The following ABHD2 variants were observed in gnomAD, a reference collection of about 807,000 sequenced individuals.
ABHD2 encodes monoacylglycerol lipase ABHD2.
In ABHD2, 20 loss-of-function variants were observed where a neutral mutation model predicts 48.1. That is an observed-to-expected ratio of 0.42 (90% CI 0.29 to 0.60). ABHD2 has a LOEUF of 0.60. Ranked by LOEUF, ABHD2 falls within the 20% of genes least tolerant of loss-of-function variation. ABHD2 has a pLI of 0.24. For synonymous variants in ABHD2, 209 were observed against 214.2 expected (o/e 0.98, Z 0.21); for missense variants, 405 against 550.9 (o/e 0.74, Z 2.65).
chr15:89,059,552 G>A, the ABHD2 span, among the ~76,000 whole-genome samples: 1 of 151,960 alleles, frequency 6.6e-6, no homozygotes, highest in South Asian at 2.1e-4. Flanking sequence ...AAATGAAAGG[G>A]GAAAAAAACC....
At position 89,195,205 on chromosome 15, in the gene ABHD2, C is replaced by T. The variant is rs202037719; in HGVS notation, c.1082-22C>T. On this transcript the variant is annotated intron_variant, in intron 10 of 10. Transcript: ENST00000352732. This position sits in a 1 kb window ranked among gnomAD's most constrained non-coding sequence, Gnocchi z 5.1. The stretch of plus-strand genomic sequence containing the variant: ...GAGCAAACTAGAGAACAGTAACTCA[C>T]TCAGCTGCGTTTCCCCTGCAGAGAA... 1.2e-6 allele frequency: 2 copies of T among 1,606,504 alleles called. No individual in the cohort carries two copies. Among genetic ancestry groups the T allele is most frequent in the African/African-American group, 1.3e-5 (1 of 74,956 alleles).
chr15:89,191,322 A>G (rs546414490), intron 9 of ABHD2, among the ~76,000 whole-genome samples, 173 bp downstream of exon 9: 2 of 152,266 alleles, frequency 1.3e-5, no homozygotes, highest in African/African-American at 4.8e-5. Flanking sequence ...TGTAACTGCC[A>G]TACATTAATC....
intron 1 of ABHD2, among the ~76,000 whole-genome samples, 171 bp from the exon 2 acceptor site, chr15:89,113,554 C>T (rs978913176): frequency 2.6e-5 from 4 of 152,282 alleles, no homozygotes; most frequent in South Asian, 2.1e-4. Context: ...AAAGCCTTCC[C>T]GCAGCAGGCT....
In ABHD2 at chr15:89,176,520, T is replaced by C. The variant is rs933142853; in HGVS notation, c.722+525T>C. 3.3e-5 allele frequency among the ~76,000 whole-genome samples: 5 copies of C among 152,172 alleles called. No individual in the cohort carries two copies. The highest frequency in any genetic ancestry group is 1.2e-4 in the African/African-American group (5 of 41,442). ...CCAGGCATCATCACAAAGGAGCTGA[T>C]CTACTGGGTCAAGCTTTCTCCCACC... On this transcript the variant is annotated intron_variant, in intron 6 of 10. Coordinates refer to ENST00000352732, the MANE Select transcript of ABHD2 (RefSeq NM_152924.5). This position sits in a 1 kb window ranked among gnomAD's most constrained non-coding sequence, Gnocchi z 4.5.
At chr15:89,123,593 C>CTTTTTTTTTTTTTTTTTTTTTTTTTTTTT (rs138910210) in intron 3 of ABHD2, among the ~76,000 whole-genome samples, 1 of 96,678 alleles carries the variant, frequency 1.0e-5, no homozygotes, top group South Asian at 3.7e-4. Flanking sequence ...TTCTTTCTTT[C>CTTTTTTTTTTTTTTTTTTTTTTTTTTTTT]TTTTTTTTTT....
At chr15:89,125,557 G>C (rs1216076587) in intron 3 of ABHD2, among the ~76,000 whole-genome samples, 1 of 152,202 alleles carries the variant, frequency 6.6e-6, no homozygotes, top group African/African-American at 2.4e-5. Flanking sequence ...AAGTAAGAAA[G>C]TTAAACTGCT....
intron 1 of ABHD2, among the ~76,000 whole-genome samples, chr15:89,109,640 G>C (rs920544461): frequency 6.6e-6 from 1 of 152,210 alleles, no homozygotes; most frequent in Admixed American, 6.5e-5. Context: ...AGAGTTTGCT[G>C]TATCTAGAAC....
intron 7 of ABHD2, among the ~76,000 whole-genome samples, chr15:89,187,048 G>T (rs555918613): frequency 6.6e-6 from 1 of 152,254 alleles, no homozygotes; most frequent in African/African-American, 2.4e-5. Context: ...ACTGAGGTGC[G>T]TGTAGCTCAG....
At chr15:89,055,179 T>C in the ABHD2 span, among the ~76,000 whole-genome samples, 1 of 152,200 alleles carries the variant, frequency 6.6e-6, no homozygotes, top group Non-Finnish European at 1.5e-5. Context: ...ACCTGAGTGA[T>C]GAATTGAAAC....
At chr15:89,149,481 G>A (rs1298387018) in intron 3 of ABHD2, among the ~76,000 whole-genome samples, 1 of 152,274 alleles carries the variant, frequency 6.6e-6, no homozygotes, top group East Asian at 1.9e-4. Context: ...TATGTCCAGT[G>A]CTCTGGGGAT....
At chr15:89,157,391 G>C (rs1253864913) in intron 5 of ABHD2, among the ~76,000 whole-genome samples, 1 of 152,132 alleles carries the variant, frequency 6.6e-6, no homozygotes, top group African/African-American at 2.4e-5. Flanking sequence ...GTAAGGGAAG[G>C]TCACAGGTAT....
At chr15:89,143,725 A>C (rs1342651292) in intron 3 of ABHD2, among the ~76,000 whole-genome samples, 7 of 152,042 alleles carry the variant, frequency 4.6e-5, no homozygotes, top group Non-Finnish European at 8.8e-5. Flanking sequence ...AGACATAGAG[A>C]TGAAAATAGA....
the ABHD2 span, among the ~76,000 whole-genome samples, chr15:89,064,377 G>A: frequency 4.6e-5 from 7 of 151,924 alleles, no homozygotes; most frequent in East Asian, 5.8e-4. Context: ...GTGCTACCAC[G>A]CCCGGCTAAT....
intron 1 of ABHD2, among the ~76,000 whole-genome samples, chr15:89,111,645 A>T (rs2049876765): frequency 6.6e-6 from 1 of 152,028 alleles, no homozygotes; most frequent in Non-Finnish European, 1.5e-5. Context: ...CCCTCTAAGG[A>T]GCTTTCCCAA....
chr15:89,048,926 G>A, the ABHD2 span, among the ~76,000 whole-genome samples: 223 of 121,884 alleles, frequency 1.8e-3, no homozygotes, highest in African/African-American at 7.1e-3. Flanking sequence ...CGTTGCTGGT[G>A]AGGAACTGCG....
At chr15:89,181,227 T>TGAAA (rs2051106174) in intron 6 of ABHD2, among the ~76,000 whole-genome samples, 1 of 12,732 alleles carries the variant, frequency 7.9e-5, no homozygotes, top group African/African-American at 1.2e-3. Flanking sequence ...AGACTCTGTC[T>TGAAA]CAAAAAAAAA....
intron 3 of ABHD2, among the ~76,000 whole-genome samples, chr15:89,148,151 A>G (rs1235612961): frequency 2.6e-5 from 4 of 151,464 alleles, no homozygotes; most frequent in African/African-American, 9.7e-5. Flanking sequence ...ACTACATAAA[A>G]TAAAGTTAAA....
At position 89,151,448 on chromosome 15, in the gene ABHD2, A is replaced by G. The variant is rs888577489; in HGVS notation, c.195-229A>G. Among the ~76,000 whole-genome samples the G allele has an allele frequency of 1.3e-5, 2 of 152,202 alleles. No homozygotes were observed. Among genetic ancestry groups the G allele is most frequent in the African/African-American group, 4.8e-5 (2 of 41,442 alleles). On this transcript the variant is annotated intron_variant, in intron 3 of 10. Coordinates refer to ENST00000352732, the MANE Select transcript of ABHD2 (RefSeq NM_152924.5). This position sits in a 1 kb window ranked among gnomAD's most constrained non-coding sequence, Gnocchi z 4.7. Reference sequence around the variant, plus strand: ...TACCCTAAATTGAAATCCTCTTTATATATATGTCCTGGTTGATTTCTAAAG... The same window carrying G: ...TACCCTAAATTGAAATCCTCTTTATGTATATGTCCTGGTTGATTTCTAAAG...
intron 6 of ABHD2, among the ~76,000 whole-genome samples, chr15:89,180,643 T>C (rs1043292901): frequency 6.6e-6 from 1 of 152,194 alleles, no homozygotes; most frequent in Non-Finnish European, 1.5e-5. Context: ...GTCCAGAGGC[T>C]CTACCATCCC....
Sources: gnomAD v4.1 joint callset for allele counts (sites outside exome capture counted in the v4.1 genomes callset) on GRCh38, gnomAD v4.1.1 for gene constraint, Gnocchi (gnomAD v3.1) non-coding constraint, MANE v1.5 for transcripts, NCBI Gene and HGNC (gene_info 2026-07-23, HGNC 2026-07-21) for gene names.